Variants in DPP9 observed in about 807,000 individuals in gnomAD.
The protein encoded by DPP9 is dipeptidyl peptidase IV-related protein-2.
In DPP9, 50 loss-of-function variants were observed where a neutral mutation model predicts 110.7. The observed-to-expected ratio is 0.45, with a 90% CI of 0.36 to 0.57. The LOEUF is 0.57. Ranked by LOEUF, DPP9 falls within the 20% of genes least tolerant of loss-of-function variation. The pLI, the probability that DPP9 is intolerant of heterozygous loss-of-function variation, is 0.00. For synonymous variants in DPP9, 561 were observed against 514.4 expected (o/e 1.09, Z -1.23); for missense variants, 1,022 against 1,217.9 (o/e 0.84, Z 2.39).
Position 4,685,866 on chromosome 19 carries a change from C to T in DPP9, c.1886-95G>A, listed in dbSNP as rs2145436859. 2.1e-6 allele frequency: 3 copies of T among 1,408,180 alleles called. No individual in the cohort carries two copies. Among genetic ancestry groups the T allele is most frequent in the East Asian group, 4.7e-5 (2 of 42,476 alleles). 87.2% of individuals were successfully genotyped at this position (1,408,180 alleles called of 1,614,324 possible). ...CCCACCCCAAGCCTTGGAGGGTGGA[C>T]CAAAGCACCCCCTCTTTTCCTGGGC... On this transcript the variant is annotated intron_variant, in intron 16 of 21. Coordinates refer to ENST00000262960, the MANE Select transcript of DPP9 (RefSeq NM_139159.5). The surrounding 1 kb of genome is among the most constrained non-coding windows in gnomAD (Gnocchi z 5.8).
chr19:4,681,473 C>T (rs932950914), intron 20 of DPP9, among the ~76,000 whole-genome samples: 1 of 151,876 alleles, frequency 6.6e-6, no homozygotes, highest in Non-Finnish European at 1.5e-5. Flanking sequence ...TGTGTCACCA[C>T]ACCTGGCTAA....
rs2088877337 is a variant in DPP9 at position 4,676,720 on chromosome 19, T to A, written c.2587-64A>T. On this transcript the variant is annotated intron_variant, in intron 21 of 21. Transcript: ENST00000262960. This position sits in a 1 kb window ranked among gnomAD's most constrained non-coding sequence, Gnocchi z 4.0. ...GGACCACCCCCGTGTCCTAGGCTCC[T>A]CCCTTATTCTGGCTCAGGGCATCCG... 1 of 1,387,574 alleles carries A rather than the reference T, an allele frequency of 7.2e-7. No homozygotes were observed. Among genetic ancestry groups the A allele is most frequent in the South Asian group, 1.2e-5 (1 of 81,014 alleles). The allele number at this position is 1,387,574 out of a possible 1,614,324, so 86.0% of individuals were successfully genotyped here. A position where few individuals can be genotyped will look rare whatever the true frequency, so the allele number is the denominator to read the frequency against.
intron 21 of DPP9, among the ~76,000 whole-genome samples, chr19:4,677,008 G>A (rs902894497): frequency 3.3e-5 from 5 of 152,202 alleles, no homozygotes; most frequent in Non-Finnish European, 7.3e-5. Context: ...GGAGGTGGCT[G>A]AGGCTTCAAG....
chr19:4,694,679 G>A lies in DPP9; in HGVS notation c.1498C>T (p.Pro500Ser), dbSNP rs1213402079. ...LKSQGYDWSE[P>S]FSPGEDEFKC... is the part of the protein sequence containing the mutation. The stretch of plus-strand genomic sequence containing the variant: ...TGCTCACCTTCCCCGGGGCTGAAGG[G>A]CTCACTCCAATCGTAGCCCTGGGAT... The change falls in exon 13 of 22, where the codon CCC (proline) becomes TCC (serine). Residue 500 changes from proline (P) to serine (S), a missense_variant. Around this residue, in one of 3 missense-constraint regions of DPP9, gnomAD observed 810 missense variants for 920.6 expected, o/e 0.88. Transcript: ENST00000262960. This position sits in a 1 kb window ranked among gnomAD's most constrained non-coding sequence, Gnocchi z 4.0. The A allele has an allele frequency of 2.5e-6, 4 of 1,611,956 alleles. No homozygotes were observed. The South Asian group carries it at 4.4e-5, about 18-fold the overall frequency.
intron 3 of DPP9, among the ~76,000 whole-genome samples, chr19:4,716,406 G>A (rs1247377004): frequency 6.6e-6 from 1 of 152,186 alleles, no homozygotes; most frequent in African/African-American, 2.4e-5. Flanking sequence ...GGGAGGCCAA[G>A]GCAGGAGGAT....
intron 3 of DPP9, chr19:4,719,395 C>G (rs1406232856): frequency 6.5e-6 from 1 of 153,976 alleles, no homozygotes; most frequent in African/African-American, 2.4e-5. Context: ...GGTTGAATGG[C>G]CTGTCCAATG....
At position 4,679,846 on chromosome 19, in the gene DPP9, A is replaced by G. The variant is rs748192162; in HGVS notation, c.2575T>C (p.Tyr859His). 2 of 1,611,362 alleles carry G rather than the reference A, an allele frequency of 1.2e-6. No individual in the cohort carries two copies. Among genetic ancestry groups the G allele is most frequent in the Non-Finnish European group, 1.7e-6 (2 of 1,178,802 alleles). Reference protein sequence around the residue: ...VSQLIRAGKPYQLQIYPNERH... With the variant: ...VSQLIRAGKPHQLQIYPNERH... ...CAACAGCCACCCACCTGGAGCTGGTAAGGTTTCCCTGCTCGGATCAGTTGG... is the reference window on the plus strand; with the variant it reads ...CAACAGCCACCCACCTGGAGCTGGTGAGGTTTCCCTGCTCGGATCAGTTGG... The change falls in exon 21 of 22, where the codon TAC becomes CAC. Residue 859 changes from tyrosine to histidine, a missense_variant. Physicochemically the swap from Tyr to His is moderately conservative, Grantham distance 83. Coordinates refer to ENST00000262960, the MANE Select transcript of DPP9 (RefSeq NM_139159.5).
chr19:4,716,308 G>A (rs2145943638), intron 3 of DPP9, among the ~76,000 whole-genome samples: 1 of 152,262 alleles, frequency 6.6e-6, no homozygotes, highest in South Asian at 2.1e-4. Flanking sequence ...GGGAAGGGGA[G>A]AAAGAGCTGC....
At position 4,683,625 on chromosome 19, in the gene DPP9, T is replaced by C; in HGVS notation, c.2183A>G (p.Gln728Arg). 6.2e-7 allele frequency: 1 copy of C among 1,613,396 alleles called. No individual in the cohort carries two copies. The highest frequency in any genetic ancestry group is 8.5e-7 in the Non-Finnish European group (1 of 1,179,860). The change falls in exon 19 of 22, where the codon CAG becomes CGG. Residue 728 changes from glutamine to arginine, a missense_variant. Coordinates refer to ENST00000262960, the MANE Select transcript of DPP9 (RefSeq NM_139159.5). Reference protein sequence around the residue: ...FEGALKNQMGQVEIEDQVEGL... With the variant: ...FEGALKNQMGRVEIEDQVEGL... ...CTCCACCTGGTCCTCGATCTCCACC[T>C]GGCCCTGAGGGATGAAGCCGGGCAC...
chr19:4,710,726 G>C lies in DPP9; in HGVS notation c.313+3355C>G, dbSNP rs1186951159. Among the ~76,000 whole-genome samples, 1 of 152,138 alleles carries C rather than the reference G, an allele frequency of 6.6e-6. No individual in the cohort carries two copies. The highest frequency in any genetic ancestry group is 1.9e-4 in the East Asian group (1 of 5,194). The stretch of plus-strand genomic sequence containing the variant: ...TGTTATTATTACTCAGGGGCTGGGG[G>C]GAGGCCTGCCCCGAGAACCTGGATG... On this transcript the variant is annotated intron_variant, in intron 4 of 21. Coordinates refer to ENST00000262960, the MANE Select transcript of DPP9 (RefSeq NM_139159.5). This position sits in a 1 kb window ranked among gnomAD's most constrained non-coding sequence, Gnocchi z 5.6.
rs757155859 is a variant in DPP9 at position 4,683,022 on chromosome 19, G to A, written c.2332-184C>T. The A allele has an allele frequency of 3.3e-6, 5 of 1,522,820 alleles. No individual in the cohort carries two copies. In the South Asian group the frequency reaches 6.0e-5, roughly 18 times the overall value. 94.3% of individuals were successfully genotyped at this position (1,522,820 alleles called of 1,614,324 possible). On this transcript the variant is annotated intron_variant, in intron 19 of 21. Transcript: ENST00000262960. ...CCCCCGTGGACGGTGCGTGGCATGGGGGTGGGCAGGGCGCCACAGGCGGGC... is the reference window on the plus strand; with the variant it reads ...CCCCCGTGGACGGTGCGTGGCATGGAGGTGGGCAGGGCGCCACAGGCGGGC...
At position 4,689,144 on chromosome 19, in the gene DPP9, G is replaced by A. The variant is rs919266980; in HGVS notation, c.1750-252C>T. On this transcript the variant is annotated intron_variant, in intron 15 of 21. Transcript: ENST00000262960. The surrounding 1 kb of genome is among the most constrained non-coding windows in gnomAD (Gnocchi z 7.0). The stretch of plus-strand genomic sequence containing the variant: ...AGGGGCCTATGGACAGTCACCGACC[G>A]CTGGATCTGCCGAGGGCTCTGCCAC... Among the ~76,000 whole-genome samples the A allele has an allele frequency of 3.9e-4, 59 of 152,182 alleles. No individual in the cohort carries two copies. The highest frequency in any genetic ancestry group is 1.3e-3 in the African/African-American group (54 of 41,450).
rs552303876 is a variant in DPP9, at chr19:4,686,988, C to T, written c.1886-1217G>A. On this transcript the variant is annotated intron_variant, in intron 16 of 21. Coordinates refer to ENST00000262960, the MANE Select transcript of DPP9 (RefSeq NM_139159.5). ...GCTCCTAATGCAGGCAGTCTTCAAA[C>T]GTGGCACAGATTGGGAGTTTCGGGA... 3.3e-5 allele frequency among the ~76,000 whole-genome samples: 5 copies of T among 152,314 alleles called. No individual in the cohort carries two copies. The East Asian group carries it at 9.7e-4, about 29-fold the overall frequency.
Position 4,704,177 on chromosome 19 carries a change from C to T in DPP9, c.554G>A (p.Ser185Asn). Residue 185 changes from serine to asparagine, a missense_variant, in exon 6 of 22, where the codon AGC becomes AAC. Ser to Asn is a conservative substitution (Grantham distance 46). Transcript: ENST00000262960. This position sits in a 1 kb window ranked among gnomAD's most constrained non-coding sequence, Gnocchi z 6.0. ...GTCGCGGCAGTGGAAGAGGCTGTTG[C>T]TGGCCTGGAAGAGGAAGAGGCCACT... ...SESGLFLFQA[S>N]NSLFHCRDGG... The T allele has an allele frequency of 6.2e-7, 1 of 1,614,018 alleles. No individual in the cohort carries two copies. The highest frequency in any genetic ancestry group is 8.5e-7 in the Non-Finnish European group (1 of 1,179,892).
chr19:4,695,810 G>A lies in DPP9; in HGVS notation c.1176-255C>T, dbSNP rs536787630. On this transcript the variant is annotated intron_variant, in intron 11 of 21. Coordinates refer to ENST00000262960, the MANE Select transcript of DPP9 (RefSeq NM_139159.5). The surrounding 1 kb of genome is among the most constrained non-coding windows in gnomAD (Gnocchi z 4.7). The stretch of plus-strand genomic sequence containing the variant: ...CGGAAACAATGGCCTAAGTCTCACA[G>A]CGGCAAGCTCTAATAGTTTCTCCTC... Among the ~76,000 whole-genome samples the A allele has an allele frequency of 4.1e-5, 6 of 147,550 alleles. No individual in the cohort carries two copies. In the South Asian group the frequency reaches 1.2e-3, roughly 31 times the overall value.
chr19:4,706,117 T>A, intron 4 of DPP9, 147 bp from the exon 5 acceptor site: 1 of 638,286 alleles, frequency 1.6e-6, no homozygotes, highest in South Asian at 1.9e-5. Flanking sequence ...CGGAAAGCTA[T>A]GGATCCTGGG....
In DPP9 at chr19:4,694,974, AC is replaced by A; in HGVS notation, c.1354-152del. On this transcript the variant is annotated intron_variant, in intron 12 of 21. Transcript: ENST00000262960. This position sits in a 1 kb window ranked among gnomAD's most constrained non-coding sequence, Gnocchi z 4.0. ...AGACCAGCCTGGACAACATAGTAAG[AC>A]CCCACCTCTAAAAATAAATAAATAA... The A allele has an allele frequency of 4.5e-6, 3 of 672,128 alleles. No individual in the cohort carries two copies. The South Asian group carries it at 5.8e-5, about 13-fold the overall frequency. The allele number at this position is 672,128 out of a possible 1,614,324, so 41.6% of individuals were successfully genotyped here.
At chr19:4,680,145 G>C (rs1032375801) in intron 20 of DPP9, among the ~76,000 whole-genome samples, 199 bp from the exon 21 acceptor site, 1 of 151,542 alleles carries the variant, frequency 6.6e-6, no homozygotes, top group Non-Finnish European at 1.5e-5. Context: ...GCTGAGGCAG[G>C]AGAACTGCTT....
chr19:4,714,625 C>T (rs2092989297), intron 3 of DPP9, among the ~76,000 whole-genome samples: 1 of 152,150 alleles, frequency 6.6e-6, no homozygotes, highest in Admixed American at 6.6e-5. Context: ...CTCCTGGCCA[C>T]AAGCAATCCT....
Sources: gnomAD v4.1 joint callset for allele counts (sites outside exome capture counted in the v4.1 genomes callset) on GRCh38, gnomAD v4.1.1 for gene constraint, gnomAD v4.1.1 regional missense constraint, Gnocchi (gnomAD v3.1) non-coding constraint, MANE v1.5 for transcripts, NCBI Gene and HGNC (gene_info 2026-07-23, HGNC 2026-07-21) for gene names.